Variants in KCNH7 observed in about 807,000 individuals in gnomAD.
KCNH7 encodes the protein voltage-gated inwardly rectifying potassium channel KCNH7.
Under a neutral mutation model 120.8 loss-of-function variants are expected in KCNH7, and 49 were observed. The ratio of observed to expected loss-of-function variants is 0.41; its 90% CI spans 0.32 to 0.51. The LOEUF (loss-of-function observed/expected upper bound fraction) is 0.51. Ranked by LOEUF, KCNH7 falls within the 20% of genes least tolerant of loss-of-function variation. The pLI is 0.38. For synonymous variants in KCNH7, 547 were observed against 516.1 expected, an observed-to-expected ratio of 1.06 and a Z score of -0.81; for missense variants, 1,097 against 1,446.6, an observed-to-expected ratio of 0.76 and a Z score of 3.92.
chr2:162,384,681 G>A lies in KCNH7; in HGVS notation c.2962+7C>T, dbSNP rs200692546. The A allele has an allele frequency of 1.1e-5, 18 of 1,611,518 alleles. No individual in the cohort carries two copies. Among genetic ancestry groups the A allele is most frequent in the Non-Finnish European group, 1.4e-5 (17 of 1,178,460 alleles). ...GAGAGACCACCTGATGTCTAACTCT[G>A]GATTACCTTTGCAAGAGTGACTTCT... On this transcript the variant is annotated splice_region_variant and intron_variant, in intron 13 of 15. Coordinates refer to ENST00000332142, the MANE Select transcript of KCNH7 (RefSeq NM_033272.4).
At chr2:162,520,606 C>A (rs1425178896) in intron 3 of KCNH7, among the ~76,000 whole-genome samples, 2 of 151,456 alleles carry the variant, frequency 1.3e-5, no homozygotes, top group African/African-American at 4.8e-5. Context: ...TATAAAAAAA[C>A]AACAACAACA....
At chr2:162,821,810 A>G (rs537782067) in intron 2 of KCNH7, among the ~76,000 whole-genome samples, 2 of 152,206 alleles carry the variant, frequency 1.3e-5, no homozygotes, top group South Asian at 4.1e-4. Context: ...TTTCAATACA[A>G]TTTATCTTGG....
chr2:162,745,446 G>A (rs1039710289), intron 2 of KCNH7, among the ~76,000 whole-genome samples: 2 of 151,950 alleles, frequency 1.3e-5, no homozygotes, highest in African/African-American at 4.8e-5. Context: ...ATTACATAGA[G>A]TATCTAGGAA....
At chr2:162,667,346 A>G (rs574429529) in intron 2 of KCNH7, among the ~76,000 whole-genome samples, 1 of 152,146 alleles carries the variant, frequency 6.6e-6, no homozygotes, top group African/African-American at 2.4e-5. Context: ...TACATCAGCT[A>G]GGTGGATTTC....
intron 3 of KCNH7, 143 bp downstream of exon 3, chr2:162,536,782 T>C: frequency 1.2e-6 from 1 of 813,620 alleles, no homozygotes; most frequent in Admixed American, 2.5e-5. Context: ...AAAGGTAACA[T>C]GAGCTAATGG....
intron 14 of KCNH7, among the ~76,000 whole-genome samples, chr2:162,377,305 A>G (rs369115660): frequency 3.9e-5 from 6 of 152,204 alleles, no homozygotes; most frequent in African/African-American, 1.4e-4. Context: ...ATAATTAGAA[A>G]CAAATGTCAA....
intron 9 of KCNH7, among the ~76,000 whole-genome samples, chr2:162,405,737 TA>T (rs1488961600): frequency 6.6e-6 from 1 of 151,990 alleles, no homozygotes; most frequent in African/African-American, 2.4e-5. Context: ...TATTAACTTT[TA>T]ATAAGTAATT....
chr2:162,825,669 T>G (rs1202849905), intron 2 of KCNH7, among the ~76,000 whole-genome samples: 1 of 152,088 alleles, frequency 6.6e-6, no homozygotes, highest in African/African-American at 2.4e-5. Context: ...AATAGTCAAG[T>G]GCTCAATTAT....
chr2:162,799,699 A>C (rs541709527), intron 2 of KCNH7, among the ~76,000 whole-genome samples: 125 of 152,118 alleles, frequency 8.2e-4, no homozygotes, highest in Middle Eastern at 3.4e-3. Context: ...CCAAGGGCAA[A>C]ATTCCAATCA....
At chr2:162,390,192 A>G (rs946764167) in intron 12 of KCNH7, among the ~76,000 whole-genome samples, 1 of 151,718 alleles carries the variant, frequency 6.6e-6, no homozygotes, top group Admixed American at 6.6e-5. Flanking sequence ...TGGTCTTATA[A>G]GCCCTGTAAG....
At chr2:162,527,645 G>A (rs762887820) in intron 3 of KCNH7, among the ~76,000 whole-genome samples, 1 of 151,972 alleles carries the variant, frequency 6.6e-6, no homozygotes, top group Non-Finnish European at 1.5e-5. Context: ...TATATTTTGT[G>A]TGGTTAGGCT....
intron 14 of KCNH7, among the ~76,000 whole-genome samples, chr2:162,378,621 AT>A (rs1686298788): frequency 6.6e-6 from 1 of 152,246 alleles, no homozygotes; most frequent in Non-Finnish European, 1.5e-5. Context: ...CGATAGAAAT[AT>A]GTAACAAACA....
chr2:162,474,419 A>T (rs1689661919), intron 6 of KCNH7, among the ~76,000 whole-genome samples: 1 of 152,254 alleles, frequency 6.6e-6, no homozygotes, highest in Non-Finnish European at 1.5e-5. Context: ...ACTGGAGTAG[A>T]TCAAAATTGG....
At chr2:162,499,688 C>T (rs1364885480) in intron 6 of KCNH7, among the ~76,000 whole-genome samples, 2 of 152,100 alleles carry the variant, frequency 1.3e-5, no homozygotes, top group East Asian at 1.9e-4. Flanking sequence ...TGCAGACTTA[C>T]TCTTGCTTAA....
chr2:162,437,630 A>C (rs1688285694), intron 7 of KCNH7, among the ~76,000 whole-genome samples: 1 of 152,100 alleles, frequency 6.6e-6, no homozygotes, highest in Non-Finnish European at 1.5e-5. Context: ...CTGTATATGA[A>C]GTGTAGTTTC....
chr2:162,745,443 A>C (rs1688283411), intron 2 of KCNH7, among the ~76,000 whole-genome samples: 1 of 152,334 alleles, frequency 6.6e-6, no homozygotes, highest in South Asian at 2.1e-4. Context: ...AACATTACAT[A>C]GAGTATCTAG....
intron 6 of KCNH7, among the ~76,000 whole-genome samples, chr2:162,462,962 G>A (rs1689193201): frequency 6.6e-6 from 1 of 151,934 alleles, no homozygotes; most frequent in Admixed American, 6.6e-5. Context: ...TCCTATCAGG[G>A]ACGGAGTAAA....
intron 2 of KCNH7, among the ~76,000 whole-genome samples, chr2:162,564,695 G>T (rs912916576): frequency 7.2e-5 from 11 of 152,056 alleles, no homozygotes; most frequent in African/African-American, 2.2e-4. Context: ...AGGATTATTG[G>T]TTTAGGATTA....
intron 2 of KCNH7, among the ~76,000 whole-genome samples, chr2:162,575,521 T>C (rs1693639284): frequency 6.6e-6 from 1 of 152,076 alleles, no homozygotes; most frequent in African/African-American, 2.4e-5. Flanking sequence ...TTAACTTCTA[T>C]TGGATCTCCC....
Sources: allele counts gnomAD v4.1 joint callset (sites outside exome capture counted in the v4.1 genomes callset), GRCh38; gene constraint gnomAD v4.1.1; transcripts MANE v1.5; gene names NCBI Gene and HGNC (gene_info 2026-07-23, HGNC 2026-07-21).